UNC13A: variants seen among roughly 807,000 people sequenced by gnomAD.
UNC13A encodes protein unc-13 homolog A.
Under a neutral mutation model 219.7 loss-of-function variants are expected in UNC13A, and 61 were observed. The observed-to-expected ratio is 0.28, with a 90% CI of 0.23 to 0.34. UNC13A has a LOEUF of 0.34. Among genes scored for constraint, UNC13A ranks in the 10% least tolerant of loss-of-function variants. The pLI is 1.00. For missense variants in UNC13A, 1,476 were observed against 2,270.3 expected, an observed-to-expected ratio of 0.65 and a Z score of 7.11; for synonymous variants, 920 against 884.6, an observed-to-expected ratio of 1.04 and a Z score of -0.71.
rs2079371498 is a variant in UNC13A at position 17,652,670 on chromosome 19, C to A, written c.1400G>T (p.Gly467Val). Residue 467 changes from glycine (G) to valine (V), a missense_variant, in exon 12 of 44, where the codon GGA (glycine) becomes GTA (valine). Coordinates refer to ENST00000519716, the MANE Select transcript of UNC13A (RefSeq NM_001080421.3). Reference protein sequence around the residue: ...KVRMQLQEARGEGEMSKSLWF... With the variant: ...KVRMQLQEARVEGEMSKSLWF... ...TAGGGATTTAGACATCTCTCCTTCT[C>A]CCCGGGCCTGCAGGACAGACAGACA... The A allele has an allele frequency of 1.9e-6, 3 of 1,613,722 alleles. No individual in the cohort carries two copies. Among genetic ancestry groups the A allele is most frequent in the South Asian group, 1.1e-5 (1 of 91,082 alleles).
intron 16 of UNC13A, 102 bp from the exon 17 acceptor site, chr19:17,647,594 G>A: frequency 1.7e-6 from 2 of 1,170,380 alleles, no homozygotes; most frequent in East Asian, 2.5e-5. Flanking sequence ...GGGGACTCAG[G>A]TGTCACCCCC....
chr19:17,674,540 G>A lies in UNC13A; in HGVS notation c.152+117C>T, dbSNP rs991156041. Reference sequence around the variant, plus strand: ...GAAGGTGATAAGGTGGACAGGGGAAGAGGGAGGACAGAGGGGAGTCACCCG... The same window carrying A: ...GAAGGTGATAAGGTGGACAGGGGAAAAGGGAGGACAGAGGGGAGTCACCCG... On this transcript the variant is annotated intron_variant, in intron 3 of 43. Coordinates refer to ENST00000519716, the MANE Select transcript of UNC13A (RefSeq NM_001080421.3). The surrounding 1 kb of genome is among the most constrained non-coding windows in gnomAD (Gnocchi z 5.0). 1.3e-6 allele frequency: 1 copy of A among 797,860 alleles called. No homozygotes were observed. Among genetic ancestry groups the A allele is most frequent in the South Asian group, 1.5e-5 (1 of 65,240 alleles). The allele number at this position is 797,860 out of a possible 1,614,324, so 49.4% of individuals were successfully genotyped here. A position where few individuals can be genotyped will look rare whatever the true frequency, so the allele number is the denominator to read the frequency against.
rs752783937 is a variant in UNC13A at position 17,672,417 on chromosome 19, A to G, written c.231T>C (p.Thr77=). 1.9e-6 allele frequency: 3 copies of G among 1,613,888 alleles called. No homozygotes were observed. The highest frequency in any genetic ancestry group is 8.5e-7 in the Non-Finnish European group (1 of 1,179,860). The change falls in exon 4 of 44, where the codon ACT becomes ACC. Residue 77 remains threonine, a synonymous_variant. Transcript: ENST00000519716. Reference sequence around the variant, plus strand: ...GGATGGTCCTCAGTGGGATCCACACAGTGCCCACCATTGTGTCCCAGATGA... The same window carrying G: ...GGATGGTCCTCAGTGGGATCCACACGGTGCCCACCATTGTGTCCCAGATGA... ...KGLIWDTMVG[T]VWIPLRTIRQ...
At chr19:17,679,854 C>T (rs535003254) in intron 1 of UNC13A, among the ~76,000 whole-genome samples, 1 of 152,162 alleles carries the variant, frequency 6.6e-6, no homozygotes, top group African/African-American at 2.4e-5. Context: ...TAAGCCTCAG[C>T]TCCTTCCTGC....
At chr19:17,667,691 T>C (rs552227334) in intron 6 of UNC13A, among the ~76,000 whole-genome samples, 1 of 151,716 alleles carries the variant, frequency 6.6e-6, no homozygotes, top group Non-Finnish European at 1.5e-5. Flanking sequence ...GCCAGGCTGG[T>C]CTCGAACTCC....
At chr19:17,636,826 T>A (rs932997914) in intron 25 of UNC13A, among the ~76,000 whole-genome samples, 7 of 152,194 alleles carry the variant, frequency 4.6e-5, no homozygotes, top group Non-Finnish European at 8.8e-5. Flanking sequence ...ATCAATTGCA[T>A]CTAATCCAAC....
rs1264174599 is a variant in UNC13A, at chr19:17,642,079, T to A, written c.2473-523A>T. Among the ~76,000 whole-genome samples, 4 of 150,700 alleles carry A rather than the reference T, an allele frequency of 2.7e-5. No individual in the cohort carries two copies. In the South Asian group the frequency reaches 8.4e-4, roughly 32 times the overall value. The stretch of plus-strand genomic sequence containing the variant: ...ATCTACCTATCTACCCATCTGACTA[T>A]CAACAAATTCACCTATCTACTCAAT... On this transcript the variant is annotated intron_variant, in intron 20 of 43. Coordinates refer to ENST00000519716, the MANE Select transcript of UNC13A (RefSeq NM_001080421.3).
At chr19:17,684,451 T>C (rs150981616) in intron 1 of UNC13A, among the ~76,000 whole-genome samples, 274 of 152,156 alleles carry the variant, frequency 1.8e-3, no homozygotes, top group Non-Finnish European at 2.5e-3. Flanking sequence ...ATACAGTAGG[T>C]GCTCAATTAA....
intron 41 of UNC13A, chr19:17,616,484 G>C: frequency 3.6e-6 from 2 of 556,794 alleles, no homozygotes; most frequent in Non-Finnish European, 6.8e-6. Flanking sequence ...GGTGGGGGTG[G>C]AAGGGGGAGA....
rs116759271 is a variant in UNC13A at position 17,618,584 on chromosome 19, A to G, written c.4330-83T>C. 1.8e-3 allele frequency: 2,470 copies of G among 1,391,520 alleles called. 29 individuals carry two copies. The African/African-American group carries it at 0.032, about 18-fold the overall frequency. The allele number at this position is 1,391,520 out of a possible 1,614,324, so 86.2% of individuals were successfully genotyped here. On this transcript the variant is annotated intron_variant, in intron 39 of 43. Coordinates refer to ENST00000519716, the MANE Select transcript of UNC13A (RefSeq NM_001080421.3). Reference sequence around the variant, plus strand: ...TGTCTATGGGTCTCATCCCTGTTCAACTTGGAGGAGCTGGGCTGAGGGTCT... The same window carrying G: ...TGTCTATGGGTCTCATCCCTGTTCAGCTTGGAGGAGCTGGGCTGAGGGTCT...
At chr19:17,623,309 GC>G (rs1223904383) in intron 36 of UNC13A, 2 of 478,382 alleles carry the variant, frequency 4.2e-6, no homozygotes, top group East Asian at 7.1e-5. Flanking sequence ...GGGTAGTGGG[GC>G]TCCTCTGGAC....
rs1273315904 is a variant in UNC13A at position 17,674,370 on chromosome 19, T to C, written c.152+287A>G. On this transcript the variant is annotated intron_variant, in intron 3 of 43. Transcript: ENST00000519716. This position sits in a 1 kb window ranked among gnomAD's most constrained non-coding sequence, Gnocchi z 5.0. ...AGGATGTGATTTGCAGTTTTAAAAA[T>C]ATCCCCCTGGCTGCCTGGAGGAGAA... Among the ~76,000 whole-genome samples, 2 of 152,124 alleles carry C rather than the reference T, an allele frequency of 1.3e-5. No homozygotes were observed. Among genetic ancestry groups the C allele is most frequent in the Admixed American group, 6.6e-5 (1 of 15,266 alleles).
Position 17,606,208 on chromosome 19 carries a change from A to C in UNC13A, c.4958T>G (p.Leu1653Arg). 6.4e-7 allele frequency: 1 copy of C among 1,556,622 alleles called. No homozygotes were observed. The highest frequency in any genetic ancestry group is 8.7e-7 in the Non-Finnish European group (1 of 1,152,098). Residue 1653 changes from leucine (L) to arginine (R), a missense_variant, in exon 44 of 44, where the codon CTG (leucine) becomes CGG (arginine). This residue lies in a region of UNC13A where 187 missense variants were observed against 172.3 expected (regional missense o/e 1.09). Coordinates refer to ENST00000519716, the MANE Select transcript of UNC13A (RefSeq NM_001080421.3). Reference protein sequence around the residue: ...LAQRGSAACWLPLGRRIHMDD... With the variant: ...LAQRGSAACWRPLGRRIHMDD... ...CATGTGGATGCGGCGGCCGAGCGGC[A>C]GCCAGCAGGCGGCGCTCCCGCGCTG... is the stretch of plus-strand genomic sequence containing the variant.
At chr19:17,610,203 C>T in intron 42 of UNC13A, 104 bp from the exon 43 acceptor site, 2 of 1,488,092 alleles carry the variant, frequency 1.3e-6, no homozygotes, top group South Asian at 1.2e-5. Flanking sequence ...CAGTGGCTCA[C>T]GCTTGTAATC....
In UNC13A at chr19:17,651,253, A is replaced by T. The variant is rs544936044; in HGVS notation, c.1439+1378T>A. 7.2e-4 allele frequency among the ~76,000 whole-genome samples: 61 copies of T among 84,762 alleles called. 1 individual carries two copies. The highest frequency in any genetic ancestry group is 4.2e-3 in the East Asian group (7 of 1,678). The allele number at this position is 84,762 out of a possible 152,430, so 55.6% of individuals were successfully genotyped here. ...GCACCCGGCCCACACATAGCTAATT[A>T]AAAAAAAATTCTTTTGTAGAGATGG... On this transcript the variant is annotated intron_variant, in intron 12 of 43. Transcript: ENST00000519716.
In UNC13A at chr19:17,642,851, C is replaced by T. The variant is rs1374808250; in HGVS notation, c.2466G>A (p.Leu822=). ...GCCGAGCAATGACCCTCACCTCATGCAGACAGGTGTACTGGACATGGTACG... is the reference window on the plus strand; with the variant it reads ...GCCGAGCAATGACCCTCACCTCATGTAGACAGGTGTACTGGACATGGTACG... The part of the protein sequence containing the change: ...VAPYHVQYTC[L]HENLFHFVTD... Residue 822 remains leucine, a synonymous_variant, in exon 20 of 44, where the codon CTG becomes CTA. Coordinates refer to ENST00000519716, the MANE Select transcript of UNC13A (RefSeq NM_001080421.3). 6.2e-7 allele frequency: 1 copy of T among 1,607,904 alleles called. No individual in the cohort carries two copies. Among genetic ancestry groups the T allele is most frequent in the Non-Finnish European group, 8.5e-7 (1 of 1,177,168 alleles).
chr19:17,631,159 CTCCCTCCCTCCCTCCCTCCTTTCCTTCCT>C (rs1225992527), intron 28 of UNC13A, among the ~76,000 whole-genome samples: 9 of 21,654 alleles, frequency 4.2e-4, no homozygotes, highest in South Asian at 3.7e-3. Context: ...TGTTTTCTCC[CTCCCTCCCTCCCTCCCTCCTTTCCTTCCT>C]TCCCTCCCTC....
At chr19:17,666,755 C>CAG (rs1183499890) in intron 6 of UNC13A, 51 bp from the exon 7 acceptor site, 1 of 1,414,936 alleles carries the variant, frequency 7.1e-7, no homozygotes, top group Non-Finnish European at 9.4e-7. Context: ...GGCCAAAGGC[C>CAG]AGGGGACCAG....
At chr19:17,611,257 C>A (rs1398453463) in intron 42 of UNC13A, among the ~76,000 whole-genome samples, 2 of 152,140 alleles carry the variant, frequency 1.3e-5, no homozygotes, top group East Asian at 3.9e-4. Context: ...AATCTCAGCT[C>A]ACTGCAAACT....
Sources: allele counts gnomAD v4.1 joint callset (sites outside exome capture counted in the v4.1 genomes callset), GRCh38; gene constraint gnomAD v4.1.1; regional missense constraint gnomAD v4.1.1; non-coding constraint Gnocchi (gnomAD v3.1); transcripts MANE v1.5; gene names NCBI Gene and HGNC (gene_info 2026-07-23, HGNC 2026-07-21).